Variants in ATG10 observed in about 807,000 individuals in gnomAD.
The protein encoded by ATG10 is ubiquitin-like-conjugating enzyme ATG10.
ATG10 carries 30 observed loss-of-function variants against 32.1 expected under a neutral mutation model. The ratio of observed to expected loss-of-function variants is 0.94; its 90% CI spans 0.70 to 1.27. The LOEUF is 1.27. ATG10 is among the 50% of genes most tolerant of loss of function. The pLI is 0.00. For missense variants in ATG10, 233 were observed against 262.3 expected (o/e 0.89, Z 0.77); for synonymous variants, 87 against 91.5 (o/e 0.95, Z 0.28).
chr5:82,123,788 TA>T (rs1391121003), intron 3 of ATG10, among the ~76,000 whole-genome samples: 4 of 136,442 alleles, frequency 2.9e-5, no homozygotes, highest in African/African-American at 7.9e-5. Flanking sequence ...AAAAAAAAAT[TA>T]GCCATGCATG....
chr5:81,982,190 GCTCACGCCTA>G (rs1210354332), intron 1 of ATG10, among the ~76,000 whole-genome samples: 1 of 152,212 alleles, frequency 6.6e-6, no homozygotes, highest in African/African-American at 2.4e-5. Flanking sequence ...AGGCGTGGTG[GCTCACGCCTA>G]TAATCCTAGT....
At chr5:81,995,963 A>G (rs1035753578) in intron 2 of ATG10, among the ~76,000 whole-genome samples, 1 of 152,328 alleles carries the variant, frequency 6.6e-6, no homozygotes, top group African/African-American at 2.4e-5. Flanking sequence ...GTTTTCATAA[A>G]TGGAGATTTT....
chr5:82,200,463 C>CTTTTTTT lies in ATG10; in HGVS notation c.453+21898_453+21904dup, dbSNP rs764388608. Among the ~76,000 whole-genome samples, 13 of 52,558 alleles carry CTTTTTTT rather than the reference C, an allele frequency of 2.5e-4. 2 individuals carry two copies. The highest frequency in any genetic ancestry group is 5.3e-4 in the East Asian group (1 of 1,884). 34.5% of individuals were successfully genotyped at this position (52,558 alleles called of 152,430 possible). A position where few individuals can be genotyped will look rare whatever the true frequency, so the allele number is the denominator to read the frequency against. On this transcript the variant is annotated intron_variant, in intron 5 of 7. Transcript: ENST00000282185. ...ATCTTTTCAAATCTTTCCCTAACTT[C>CTTTTTTT]TTTTTTTTTTTTTTTTTTTTTTTTT... is the stretch of plus-strand genomic sequence containing the variant.
intron 5 of ATG10, among the ~76,000 whole-genome samples, chr5:82,182,303 T>A (rs1172389241): frequency 6.6e-6 from 1 of 152,136 alleles, no homozygotes; most frequent in Non-Finnish European, 1.5e-5. Context: ...TGATGAAGAG[T>A]TTGGTTTTTT....
At chr5:82,005,083 A>G (rs1761955883) in intron 2 of ATG10, among the ~76,000 whole-genome samples, 2 of 152,208 alleles carry the variant, frequency 1.3e-5, no homozygotes, top group African/African-American at 4.8e-5. Context: ...ACCAAGGAGT[A>G]TAGCTAAATA....
At chr5:82,046,283 A>G (rs949010326) in intron 2 of ATG10, among the ~76,000 whole-genome samples, 1 of 152,220 alleles carries the variant, frequency 6.6e-6, no homozygotes, top group Non-Finnish European at 1.5e-5. Context: ...TTGCAGATGT[A>G]GTCAAATTAA....
intron 2 of ATG10, among the ~76,000 whole-genome samples, chr5:82,013,984 C>T (rs1391566098): frequency 6.6e-6 from 1 of 152,188 alleles, no homozygotes; most frequent in Non-Finnish European, 1.5e-5. Flanking sequence ...AAATTTCTCT[C>T]TACACACTGC....
At chr5:82,002,695 G>C (rs1761883180) in intron 2 of ATG10, among the ~76,000 whole-genome samples, 1 of 152,124 alleles carries the variant, frequency 6.6e-6, no homozygotes, top group Admixed American at 6.5e-5. Flanking sequence ...ATTGGGTACT[G>C]TGCTTATAAC....
intron 1 of ATG10, among the ~76,000 whole-genome samples, chr5:81,979,948 C>T (rs1760989016): frequency 1.3e-5 from 2 of 151,314 alleles, no homozygotes; most frequent in South Asian, 4.2e-4. Context: ...TGTTCTTTGT[C>T]CTTCCATCAA....
chr5:82,095,848 C>T (rs968971234), intron 3 of ATG10, among the ~76,000 whole-genome samples: 6 of 152,104 alleles, frequency 3.9e-5, no homozygotes, highest in Admixed American at 6.6e-5. Context: ...CTCTGAAGAA[C>T]AAGAGCAACT....
chr5:82,007,474 A>G (rs1035024104), intron 2 of ATG10, among the ~76,000 whole-genome samples: 4 of 152,160 alleles, frequency 2.6e-5, no homozygotes, highest in African/African-American at 9.7e-5. Context: ...TTTATTTGAG[A>G]CAGGGCCTTG....
intron 2 of ATG10, among the ~76,000 whole-genome samples, chr5:82,055,622 T>C (rs1462179298): frequency 6.6e-6 from 1 of 152,154 alleles, no homozygotes; most frequent in Non-Finnish European, 1.5e-5. Context: ...GTACACACAG[T>C]GCAGCTCCGT....
At chr5:81,976,898 C>T (rs1406912500) in intron 1 of ATG10, among the ~76,000 whole-genome samples, 1 of 152,058 alleles carries the variant, frequency 6.6e-6, no homozygotes, top group Admixed American at 6.6e-5. Context: ...TTTTTTGAGA[C>T]AGTATCTTGT....
At chr5:82,042,687 C>T (rs1763122757) in intron 2 of ATG10, among the ~76,000 whole-genome samples, 1 of 152,098 alleles carries the variant, frequency 6.6e-6, no homozygotes, top group Non-Finnish European at 1.5e-5. Flanking sequence ...GAGACATTGG[C>T]CAAAACAAAG....
chr5:82,158,380 A>G (rs968296468), intron 3 of ATG10, among the ~76,000 whole-genome samples: 1 of 138,322 alleles, frequency 7.2e-6, no homozygotes, highest in Non-Finnish European at 1.5e-5. Context: ...TGGGTTCCGT[A>G]TCCATGGATT....
intron 3 of ATG10, among the ~76,000 whole-genome samples, chr5:82,130,640 G>A (rs773585304): frequency 2.6e-5 from 4 of 152,072 alleles, no homozygotes; most frequent in African/African-American, 9.7e-5. Context: ...AGGAGATGCC[G>A]CACTCTGCTT....
intron 3 of ATG10, among the ~76,000 whole-genome samples, chr5:82,138,625 G>T (rs770976071): frequency 2.0e-4 from 30 of 152,270 alleles, no homozygotes; most frequent in African/African-American, 6.3e-4. Flanking sequence ...TGCCTATTGC[G>T]TTGGTCTTGC....
At chr5:81,985,401 C>T (rs113362996) in intron 1 of ATG10, among the ~76,000 whole-genome samples, 4 of 152,244 alleles carry the variant, frequency 2.6e-5, no homozygotes, top group African/African-American at 9.6e-5. Flanking sequence ...ATCTATGTAA[C>T]GTTGATATAG....
At chr5:82,200,255 T>G (rs1745011996) in intron 5 of ATG10, among the ~76,000 whole-genome samples, 1 of 152,068 alleles carries the variant, frequency 6.6e-6, no homozygotes, top group Non-Finnish European at 1.5e-5. Flanking sequence ...TTCTGGGAAT[T>G]CTAGTTCCTC....
Sources: allele counts gnomAD v4.1 joint callset (sites outside exome capture counted in the v4.1 genomes callset), GRCh38; gene constraint gnomAD v4.1.1; transcripts MANE v1.5; gene names NCBI Gene and HGNC (gene_info 2026-07-23, HGNC 2026-07-21).